CHORDC1: variants seen among roughly 807,000 people sequenced by gnomAD.
CHORDC1 encodes cysteine and histidine rich domain containing 1.
In CHORDC1, 25 loss-of-function variants were observed where a neutral mutation model predicts 48.3. The ratio of observed to expected loss-of-function variants is 0.52; its 90% CI spans 0.38 to 0.72. The LOEUF (loss-of-function observed/expected upper bound fraction) is 0.72. Among genes scored for constraint, CHORDC1 ranks in the 30% least tolerant of loss-of-function variants. CHORDC1 has a pLI of 0.00. For missense variants in CHORDC1, 317 were observed against 388.7 expected (o/e 0.82, Z 1.55); for synonymous variants, 128 against 126.4 (o/e 1.01, Z -0.09).
chr11:90,202,765 T>C (rs753389953), intron 10 of CHORDC1, 48 bp downstream of exon 10: 4 of 1,531,838 alleles, frequency 2.6e-6, no homozygotes, highest in Non-Finnish European at 3.5e-6. Context: ...ATTCTACAAA[T>C]GATCTAAGTT....
At chr11:90,213,864 T>C in intron 4 of CHORDC1, 154 bp downstream of exon 4, 2 of 608,556 alleles carry the variant, frequency 3.3e-6, no homozygotes, top group South Asian at 4.9e-5. Context: ...GAAATAAAAA[T>C]TTAAGGCAGA....
chr11:90,211,074 C>G (rs1171758658), intron 5 of CHORDC1, 141 bp downstream of exon 5: 1 of 537,816 alleles, frequency 1.9e-6, no homozygotes, highest in Non-Finnish European at 3.3e-6. Context: ...TTTATCATAT[C>G]TGACATTTAG....
intron 10 of CHORDC1, 56 bp downstream of exon 10, chr11:90,202,757 T>G: frequency 6.6e-7 from 1 of 1,520,958 alleles, no homozygotes; most frequent in South Asian, 1.2e-5. Flanking sequence ...TGTCTTTTAT[T>G]CTACAAATGA....
chr11:90,213,908 T>TG, intron 4 of CHORDC1, 110 bp downstream of exon 4: 1 of 903,398 alleles, frequency 1.1e-6, no homozygotes, highest in Non-Finnish European at 1.7e-6. Flanking sequence ...CAAAGCTTGG[T>TG]GGCCTACATA....
At chr11:90,215,058 T>C (rs1488545874) in intron 3 of CHORDC1, 116 bp downstream of exon 3, 7 of 503,106 alleles carry the variant, frequency 1.4e-5, no homozygotes, top group Non-Finnish European at 3.5e-6. Context: ...AAAGGTGTTA[T>C]CTGCAAGTTG....
intron 1 of CHORDC1, chr11:90,222,682 C>T (rs1284023066): frequency 1.3e-5 from 9 of 697,748 alleles, no homozygotes; most frequent in Non-Finnish European, 2.4e-5. Context: ...GACAGTCAGG[C>T]GCCGGGGCCG....
intron 4 of CHORDC1, chr11:90,213,279 G>C: frequency 1.7e-6 from 1 of 575,110 alleles, no homozygotes; most frequent in South Asian, 2.2e-5. Context: ...AGAATAAAGG[G>C]AAAATCATGA....
At chr11:90,215,020 C>T (rs16917519) in intron 3 of CHORDC1, among the ~76,000 whole-genome samples, 154 bp downstream of exon 3, 4,116 of 152,022 alleles carry the variant, frequency 0.027, 203 homozygotes, top group African/African-American at 0.094. Context: ...ATTTTACAAG[C>T]TGTGGAAGGG....
Position 90,223,016 on chromosome 11 carries a change from C to T in CHORDC1, c.-62G>A, listed in dbSNP as rs1259879465. On this transcript the variant is annotated 5_prime_UTR_variant, in exon 1 of 11. Transcript: ENST00000320585. ...CGGGAACGGCAAGAGGATGCGTTTG[C>T]CACTCCCGTGTCGCTAGCACCGGTC... is the stretch of plus-strand genomic sequence containing the variant. 2.1e-6 allele frequency: 3 copies of T among 1,420,748 alleles called. No homozygotes were observed. Among genetic ancestry groups the T allele is most frequent in the Non-Finnish European group, 3.0e-6 (3 of 1,007,482 alleles). 88.0% of individuals were successfully genotyped at this position (1,420,748 alleles called of 1,614,324 possible).
intron 4 of CHORDC1, chr11:90,211,805 T>TGCAA (rs2135043198): frequency 6.5e-6 from 1 of 153,268 alleles, no homozygotes; most frequent in African/African-American, 2.4e-5. Context: ...ACGATCGTAT[T>TGCAA]GCAAGGCAAT....
intron 2 of CHORDC1, among the ~76,000 whole-genome samples, chr11:90,217,371 T>C (rs926067260): frequency 6.6e-6 from 1 of 152,164 alleles, no homozygotes; most frequent in Admixed American, 6.5e-5. Flanking sequence ...TTTAAATGTA[T>C]CATACTATCA....
At position 90,210,383 on chromosome 11, in the gene CHORDC1, G is replaced by GAC. The variant is rs1857826872; in HGVS notation, c.492+152_492+153insGT. 2.0e-5 allele frequency among the ~76,000 whole-genome samples: 3 copies of GAC among 152,088 alleles called. No individual in the cohort carries two copies. The South Asian group carries it at 6.3e-4, about 32-fold the overall frequency. ...ATTCTACTGGACATGATGCTACTCAGAGTCTCTTATCCATGATTGTAGCCC... is the reference window on the plus strand; with the variant it reads ...ATTCTACTGGACATGATGCTACTCAGACAGTCTCTTATCCATGATTGTAGCCC... On this transcript the variant is annotated intron_variant, in intron 6 of 10. Transcript: ENST00000320585.
intron 1 of CHORDC1, among the ~76,000 whole-genome samples, chr11:90,220,672 G>T (rs558479176): frequency 1.3e-5 from 2 of 152,032 alleles, no homozygotes; most frequent in Non-Finnish European, 2.9e-5. Context: ...ACAAGCAAAT[G>T]GACATTCTTC....
chr11:90,205,373 A>T (rs1243657452), intron 8 of CHORDC1, 87 bp downstream of exon 8: 1 of 908,598 alleles, frequency 1.1e-6, no homozygotes, highest in Non-Finnish European at 1.7e-6. Context: ...TTTTTTTTAA[A>T]ATCTAAAGAC....
chr11:90,222,397 T>C, intron 1 of CHORDC1: 1 of 329,596 alleles, frequency 3.0e-6, no homozygotes, highest in Non-Finnish European at 5.9e-6. Context: ...GCGGATCGAC[T>C]GAACACAAAC....
chr11:90,202,936 A>G (rs750729498), intron 9 of CHORDC1, 61 bp from the exon 10 acceptor site: 2 of 1,497,744 alleles, frequency 1.3e-6, no homozygotes, highest in Non-Finnish European at 9.0e-7. Flanking sequence ...GCTATCAAAC[A>G]CTGATTATAA....
chr11:90,222,810 C>A, intron 1 of CHORDC1, 81 bp downstream of exon 1: 2 of 1,298,244 alleles, frequency 1.5e-6, no homozygotes, highest in Non-Finnish European at 2.2e-6. Context: ...TGCAGGAGAT[C>A]CGCGGACACC....
intron 8 of CHORDC1, 131 bp from the exon 9 acceptor site, chr11:90,203,558 A>T: frequency 1.5e-6 from 1 of 662,886 alleles, no homozygotes; most frequent in Admixed American, 2.9e-5. Flanking sequence ...AAGGGCAAAA[A>T]ACTTCTATAT....
rs754444218 is a variant in CHORDC1, at chr11:90,206,291, G to GA, written c.493-20dup. The GA allele has an allele frequency of 3.4e-5, 46 of 1,358,746 alleles. No homozygotes were observed. The highest frequency in any genetic ancestry group is 7.1e-5 in the South Asian group (6 of 84,302). 84.2% of individuals were successfully genotyped at this position (1,358,746 alleles called of 1,614,324 possible). ...GGTATGTCTAAAAAGGAAACAAAGAGAAAAAAAATTAGCTGCGTATCTTAC... is the reference window on the plus strand; with the variant it reads ...GGTATGTCTAAAAAGGAAACAAAGAGAAAAAAAAATTAGCTGCGTATCTTAC... On this transcript the variant is annotated intron_variant, in intron 6 of 10. Transcript: ENST00000320585.
Sources: gnomAD v4.1 joint callset for allele counts (sites outside exome capture counted in the v4.1 genomes callset) on GRCh38, gnomAD v4.1.1 for gene constraint, MANE v1.5 for transcripts, NCBI Gene and HGNC (gene_info 2026-07-23, HGNC 2026-07-21) for gene names.